Variants in SCAF11 observed in about 807,000 individuals in gnomAD.
SCAF11 encodes protein SCAF11.
Under a neutral mutation model 140.5 loss-of-function variants are expected in SCAF11, and 47 were observed. That is an observed-to-expected ratio of 0.33 (90% confidence interval 0.26 to 0.43). The LOEUF (loss-of-function observed/expected upper bound fraction) is 0.43, where lower values mean the gene tolerates loss of function less well. Ranked by LOEUF, SCAF11 falls within the 20% of genes least tolerant of loss-of-function variation. SCAF11 has a pLI of 1.00. For synonymous variants in SCAF11, 557 were observed against 579.4 expected, an observed-to-expected ratio of 0.96 and a Z score of 0.55; for missense variants, 1,645 against 1,705.1, an observed-to-expected ratio of 0.96 and a Z score of 0.62.
intron 1 of SCAF11, among the ~76,000 whole-genome samples, chr12:45,989,985 C>CG (rs939511876): frequency 2.6e-5 from 4 of 151,942 alleles, no homozygotes; most frequent in African/African-American, 9.7e-5. Context: ...TCCCCCCCCC[C>CG]CGTAGGACCC....
intron 10 of SCAF11, 142 bp downstream of exon 10, chr12:45,931,364 G>A: frequency 2.3e-6 from 1 of 441,802 alleles, no homozygotes; most frequent in Non-Finnish European, 4.0e-6. Context: ...TTAAGTCATT[G>A]TCCAAATATT....
At chr12:45,983,740 A>C (rs1353374816) in intron 1 of SCAF11, among the ~76,000 whole-genome samples, 1 of 41,392 alleles carries the variant, frequency 2.4e-5, no homozygotes, top group South Asian at 1.1e-3. Flanking sequence ...TCCTAAACCT[A>C]AAACACACAC....
At chr12:45,991,002 C>G (rs1401359193), upstream of SCAF11, among the ~76,000 whole-genome samples, 1 of 152,248 alleles carries the variant, frequency 6.6e-6, no homozygotes, top group Non-Finnish European at 1.5e-5. Context: ...TTTAAGGGAA[C>G]TGGACAGGAA....
At chr12:45,942,871 A>G (rs184201977) in intron 6 of SCAF11, among the ~76,000 whole-genome samples, 21 of 152,318 alleles carry the variant, frequency 1.4e-4, no homozygotes, top group Non-Finnish European at 2.8e-4. Flanking sequence ...TGTCTACGAG[A>G]AGATCCCATT....
rs1369193854 is a variant in SCAF11 at position 45,920,008 on chromosome 12, T to C, written c.*2040A>G. 1.3e-5 allele frequency: 2 copies of C among 152,208 alleles called. No individual in the cohort carries two copies. Among genetic ancestry groups the C allele is most frequent in the Non-Finnish European group, 2.9e-5 (2 of 68,036 alleles). The allele number at this position is 152,208 out of a possible 1,614,324, so 9.4% of individuals were successfully genotyped here. On this transcript the variant is annotated 3_prime_UTR_variant, in exon 15 of 15. Transcript: ENST00000369367. ...CAAAATTGTTTCTAGAGTTCTAATC[T>C]AAAACAACTAAGGAGGTGTGCCTTG...
At position 45,927,324 on chromosome 12, in the gene SCAF11, T is replaced by C; in HGVS notation, c.2377A>G (p.Arg793Gly). 6.2e-7 allele frequency: 1 copy of C among 1,614,044 alleles called. No homozygotes were observed. Among genetic ancestry groups the C allele is most frequent in the Non-Finnish European group, 8.5e-7 (1 of 1,179,982 alleles). ...KTKKPRTRRS[R>G]FHSPSTTWSP... ...CAAGTTGTAGATGGAGAATGAAATC[T>C]AGATCTTCGAGTACGAGGCTTTTTG... The change falls in exon 11 of 15, where the codon AGA (arginine) becomes GGA (glycine). Residue 793 changes from arginine (R) to glycine (G), a missense_variant. Around this residue, in one of 2 missense-constraint regions of SCAF11, gnomAD observed 1,582 missense variants for 1,609.2 expected, o/e 0.98. Coordinates refer to ENST00000369367, the MANE Select transcript of SCAF11 (RefSeq NM_004719.3).
At chr12:45,933,330 G>C (rs1167419853) in intron 8 of SCAF11, 98 bp from the exon 9 acceptor site, 3 of 673,884 alleles carry the variant, frequency 4.5e-6, no homozygotes, top group African/African-American at 1.8e-5. Context: ...TTTGTACCTG[G>C]CATTATGAAT....
chr12:45,927,844 T>C lies in SCAF11; in HGVS notation c.1857A>G (p.Ile619Met), dbSNP rs1180191570. ...TAACAGATTGTCTGTCCACTGTCTG[T>C]ATAATTTCACCCTCAGAAGATTCTA... ...PKLESSEGEI[I>M]QTVDRQSVKS... Residue 619 changes from isoleucine (I) to methionine (M), a missense_variant, in exon 11 of 15, where the codon ATA becomes ATG. Transcript: ENST00000369367. 3.7e-6 allele frequency: 6 copies of C among 1,613,988 alleles called. No individual in the cohort carries two copies. Among genetic ancestry groups the C allele is most frequent in the Non-Finnish European group, 5.1e-6 (6 of 1,179,990 alleles).
intron 1 of SCAF11, among the ~76,000 whole-genome samples, chr12:45,972,931 T>TATATATATAGATATATATATAG (rs1946128153): frequency 5.3e-5 from 4 of 76,184 alleles, no homozygotes; most frequent in African/African-American, 2.4e-4. Context: ...GATATATAGA[T>TATATATATAGATATATATATAG]ATATATAGAT....
chr12:45,990,365 T>G lies in SCAF11; in HGVS notation c.-34A>C, dbSNP rs1245101761. 6.5e-6 allele frequency: 8 copies of G among 1,231,796 alleles called. No homozygotes were observed. Among genetic ancestry groups the G allele is most frequent in the Non-Finnish European group, 7.1e-6 (7 of 988,220 alleles). The allele number at this position is 1,231,796 out of a possible 1,614,324, so 76.3% of individuals were successfully genotyped here. ...GACCAGTGTTTACCTCAGACCGAGG[T>G]CGAGGCGCTCGGTCCGGCCGCGGCC... On this transcript the variant is annotated 5_prime_UTR_variant, in exon 1 of 15. Transcript: ENST00000369367.
At chr12:45,952,412 A>C (rs2136580500) in intron 3 of SCAF11, among the ~76,000 whole-genome samples, 1 of 152,312 alleles carries the variant, frequency 6.6e-6, no homozygotes, top group South Asian at 2.1e-4. Flanking sequence ...TATAGGAGTA[A>C]GGTTGAGCAC....
chr12:45,954,284 T>A (rs1005063767), intron 3 of SCAF11, among the ~76,000 whole-genome samples: 2 of 152,114 alleles, frequency 1.3e-5, no homozygotes, highest in Admixed American at 6.5e-5. Flanking sequence ...CAGGCTGGAG[T>A]GCAGTGGCAC....
At chr12:45,949,901 TAGA>T (rs1470915168) in intron 4 of SCAF11, among the ~76,000 whole-genome samples, 1 of 152,068 alleles carries the variant, frequency 6.6e-6, no homozygotes, top group Non-Finnish European at 1.5e-5. Context: ...TGAGAAGACT[TAGA>T]AAGAAAGTAT....
chr12:45,963,535 A>T (rs1473893479), intron 2 of SCAF11, among the ~76,000 whole-genome samples: 3 of 152,102 alleles, frequency 2.0e-5, no homozygotes, highest in Admixed American at 6.5e-5. Context: ...AAAATAGATT[A>T]AAAAAATTCA....
intron 3 of SCAF11, chr12:45,961,459 C>A (rs1019452550): frequency 1.7e-6 from 1 of 597,288 alleles, no homozygotes; most frequent in African/African-American, 1.9e-5. Flanking sequence ...ATCTGTTCTT[C>A]CTATAAGGTT....
rs17096331 is a variant in SCAF11, at chr12:45,939,374, C to T, written c.464-4869G>A. Among the ~76,000 whole-genome samples, 372 of 152,092 alleles carry T rather than the reference C, an allele frequency of 2.4e-3. 1 individual carries two copies. The highest frequency in any genetic ancestry group is 8.5e-3 in the African/African-American group (352 of 41,490). On this transcript the variant is annotated intron_variant, in intron 6 of 14. Coordinates refer to ENST00000369367, the MANE Select transcript of SCAF11 (RefSeq NM_004719.3). The stretch of plus-strand genomic sequence containing the variant: ...ACACACCTATGTTTAAAGAACAGTC[C>T]CATCCTGCTTCACAAAACTTTAAGA...
intron 6 of SCAF11, 43 bp downstream of exon 6, chr12:45,945,203 AAAC>A (rs1945391794): frequency 8.6e-7 from 1 of 1,165,632 alleles, no homozygotes; most frequent in South Asian, 1.3e-5. Context: ...TTAAATTAAA[AAAC>A]AACAAAAAAA....
chr12:45,960,579 T>C (rs1592205098), intron 3 of SCAF11: 1 of 152,210 alleles, frequency 6.6e-6, no homozygotes, highest in Non-Finnish European at 1.5e-5. Context: ...CAAAATACTT[T>C]TCCCCAAAAT....
rs1213847937 is a variant in SCAF11 at position 45,951,930 on chromosome 12, G to A, written c.220-203C>T. On this transcript the variant is annotated intron_variant, in intron 3 of 14. Coordinates refer to ENST00000369367, the MANE Select transcript of SCAF11 (RefSeq NM_004719.3). ...AGATAGTTGGAATACAATGATGAAC[G>A]AGACAGAATCTGTTATTAAAATCCC... is the stretch of plus-strand genomic sequence containing the variant. 3.3e-5 allele frequency among the ~76,000 whole-genome samples: 5 copies of A among 152,178 alleles called. No homozygotes were observed. In the South Asian group the frequency reaches 8.3e-4, roughly 25 times the overall value.
Sources: allele counts gnomAD v4.1 joint callset (sites outside exome capture counted in the v4.1 genomes callset), GRCh38; gene constraint gnomAD v4.1.1; regional missense constraint gnomAD v4.1.1; transcripts MANE v1.5; gene names NCBI Gene and HGNC (gene_info 2026-07-23, HGNC 2026-07-21).